Variants in SDR42E2 observed in about 807,000 individuals in gnomAD.
SDR42E2 encodes putative short-chain dehydrogenase/reductase family 42E member 2.
Under a neutral mutation model 10.5 loss-of-function variants are expected in SDR42E2, and 20 were observed. The ratio of observed to expected loss-of-function variants is 1.90; its 90% CI spans 1.34 to 2.77. The LOEUF (loss-of-function observed/expected upper bound fraction) is 2.77, where lower values mean the gene tolerates loss of function less well. Among genes scored for constraint, SDR42E2 ranks in the 30% most tolerant of loss-of-function variants. The probability of loss-of-function intolerance (pLI) is 0.00; values close to 1 mark genes in which losing one functional copy is unlikely to be tolerated. For missense variants in SDR42E2, 162 were observed against 104.2 expected, an observed-to-expected ratio of 1.55 and a Z score of -2.42; for synonymous variants, 72 against 39.2, an observed-to-expected ratio of 1.84 and a Z score of -3.12.
chr16:22,172,440 C>T (rs555807479), intron 7 of SDR42E2, 109 bp downstream of exon 7: 3 of 684,864 alleles, frequency 4.4e-6, no homozygotes, highest in Admixed American at 4.1e-5. Flanking sequence ...ACCTTCCTTC[C>T]AAAGGACGGT....
rs1301926720 is a variant in SDR42E2, at chr16:22,166,974, C to A, written c.311C>A (p.Ser104Tyr). 1 of 702,446 alleles carries A rather than the reference C, an allele frequency of 1.4e-6. No individual in the cohort carries two copies. Among genetic ancestry groups the A allele is most frequent in the Admixed American group, 2.0e-5 (1 of 49,944 alleles). The allele number at this position is 702,446 out of a possible 1,614,324, so 43.5% of individuals were successfully genotyped here. ...GTGGACTGTGTCTTCCACGTGGCTT[C>A]CTATGGAATGTCCGGGGCTGAGAAG... ...EGVDCVFHVA[S>Y]YGMSGAEKLQ... Residue 104 changes from serine (S) to tyrosine (Y), a missense_variant, in exon 4 of 13, where the codon TCC becomes TAC. Physicochemically the swap from Ser to Tyr is moderately radical, Grantham distance 144 (BLOSUM62 -2). Transcript: ENST00000602312.
rs2142086781 is a variant in SDR42E2, at chr16:22,190,780, G to A, written c.*387G>A. On this transcript the variant is annotated 3_prime_UTR_variant, in exon 13 of 13. Transcript: ENST00000602312. ...ACGCCCTTGACCCGCCCTTCAAATT[G>A]GGCACGCCTTCTTCCCCGCTCACTG... The A allele has an allele frequency of 5.2e-6, 1 of 192,802 alleles. No homozygotes were observed. The highest frequency in any genetic ancestry group is 1.3e-4 in the East Asian group (1 of 7,766). 11.9% of individuals were successfully genotyped at this position (192,802 alleles called of 1,614,324 possible).
intron 7 of SDR42E2, among the ~76,000 whole-genome samples, chr16:22,174,217 C>T (rs377508465): frequency 6.6e-6 from 1 of 151,954 alleles, no homozygotes; most frequent in African/African-American, 2.4e-5. Flanking sequence ...CCTGTAATCC[C>T]AGCTACTCAG....
rs1354942833 is a variant in SDR42E2 at position 22,190,141 on chromosome 16, G to T, written c.1017G>T (p.Val339=). Reference sequence around the variant, plus strand: ...GGATGCCCCGCCTGTCCCCGCAGGTGCGCAGCGTGGCCGTGACGCACACCT... The same window carrying T: ...GGATGCCCCGCCTGTCCCCGCAGGTTCGCAGCGTGGCCGTGACGCACACCT... ...SLPPLLTRSE[V]RSVAVTHTFQ... is the part of the protein sequence containing the mutation. The change falls in exon 13 of 13, where the codon GTG becomes GTT. Residue 339 remains valine, a splice_region_variant and synonymous_variant. Transcript: ENST00000602312. The T allele has an allele frequency of 5.0e-6, 2 of 400,938 alleles. No homozygotes were observed. Among genetic ancestry groups the T allele is most frequent in the African/African-American group, 4.1e-5 (2 of 48,688 alleles). 24.8% of individuals were successfully genotyped at this position (400,938 alleles called of 1,614,324 possible).
chr16:22,180,056 A>T (rs1390923839), intron 8 of SDR42E2, among the ~76,000 whole-genome samples: 1 of 152,132 alleles, frequency 6.6e-6, no homozygotes, highest in Middle Eastern at 3.4e-3. Flanking sequence ...GGAAGAGCAA[A>T]GGGGCGGTGC....
rs115890366 is a variant in SDR42E2 at position 22,169,601 on chromosome 16, G to A, written c.394+99G>A. ...CCCAGGGTGTAGGGTCAAAGGGAGG[G>A]CCTGTGGGCAGCGCATCCTTCGTGC... On this transcript the variant is annotated intron_variant, in intron 5 of 12. Coordinates refer to ENST00000602312, the MANE Select transcript of SDR42E2 (RefSeq NM_001394319.2). 808 of 699,376 alleles carry A rather than the reference G, an allele frequency of 1.2e-3. 5 individuals carry two copies. In the African/African-American group the frequency reaches 0.013, roughly 11 times the overall value. The allele number at this position is 699,376 out of a possible 1,614,324, so 43.3% of individuals were successfully genotyped here.
Position 22,166,996 on chromosome 16 carries a change from G to A in SDR42E2, c.333G>A (p.Glu111=). 1.4e-6 allele frequency: 1 copy of A among 702,266 alleles called. No individual in the cohort carries two copies. The highest frequency in any genetic ancestry group is 1.5e-5 in the South Asian group (1 of 67,538). The allele number at this position is 702,266 out of a possible 1,614,324, so 43.5% of individuals were successfully genotyped here. ...CTTCCTATGGAATGTCCGGGGCTGA[G>A]AAGGTGGGCTCCTCACACACAACAC... ...HVASYGMSGA[E]KLQKEQIESI... The change falls in exon 4 of 13, where the codon GAG becomes GAA. Residue 111 remains glutamate (E), a synonymous_variant. Transcript: ENST00000602312.
Position 22,190,738 on chromosome 16 carries a change from C to G in SDR42E2, c.*345C>G. Reference sequence around the variant, plus strand: ...GGCCCAGACGCGTAGCCCCGAGTCTCTTTCCATGTTTTGACCACGCCCTTG... The same window carrying G: ...GGCCCAGACGCGTAGCCCCGAGTCTGTTTCCATGTTTTGACCACGCCCTTG... On this transcript the variant is annotated 3_prime_UTR_variant, in exon 13 of 13. Transcript: ENST00000602312. 3.6e-6 allele frequency: 1 copy of G among 276,438 alleles called. No individual in the cohort carries two copies. The highest frequency in any genetic ancestry group is 6.8e-6 in the Non-Finnish European group (1 of 147,908). The allele number at this position is 276,438 out of a possible 1,614,324, so 17.1% of individuals were successfully genotyped here.
chr16:22,183,868 G>A (rs1210198660), intron 10 of SDR42E2, among the ~76,000 whole-genome samples: 2 of 151,422 alleles, frequency 1.3e-5, no homozygotes, highest in South Asian at 4.1e-4. Flanking sequence ...GCTGAGGCAG[G>A]AGGATCACAT....
intron 8 of SDR42E2, among the ~76,000 whole-genome samples, chr16:22,178,626 C>T (rs1346584707): frequency 6.6e-6 from 1 of 152,156 alleles, no homozygotes; most frequent in Non-Finnish European, 1.5e-5. Context: ...GCCCTGTCCT[C>T]GAATTTCTCA....
intron 7 of SDR42E2, among the ~76,000 whole-genome samples, chr16:22,174,627 T>C (rs1378370974): frequency 6.6e-6 from 1 of 150,854 alleles, no homozygotes; most frequent in Non-Finnish European, 1.5e-5. Flanking sequence ...CCAGCTGTTC[T>C]CCCAGGAGTT....
chr16:22,190,559 C>T lies in SDR42E2; in HGVS notation c.*166C>T. On this transcript the variant is annotated 3_prime_UTR_variant, in exon 13 of 13. Transcript: ENST00000602312. ...CCCGAGCCGCTCTCCAGACCTAGCCCGGACCGCCGACTTCTGGCCACGCCC... is the reference window on the plus strand; with the variant it reads ...CCCGAGCCGCTCTCCAGACCTAGCCTGGACCGCCGACTTCTGGCCACGCCC... 5.0e-6 allele frequency: 2 copies of T among 399,292 alleles called. No homozygotes were observed. The highest frequency in any genetic ancestry group is 4.4e-6 in the Non-Finnish European group (1 of 226,480). The allele number at this position is 399,292 out of a possible 1,614,324, so 24.7% of individuals were successfully genotyped here.
At chr16:22,164,156 C>G (rs145439968) in intron 1 of SDR42E2, among the ~76,000 whole-genome samples, 1 of 152,058 alleles carries the variant, frequency 6.6e-6, no homozygotes, top group Non-Finnish European at 1.5e-5. Flanking sequence ...CAGTGGCTAA[C>G]GCCTGTAATC....
intron 3 of SDR42E2, among the ~76,000 whole-genome samples, 173 bp downstream of exon 3, chr16:22,166,607 G>T (rs992737988): frequency 3.3e-5 from 5 of 152,124 alleles, no homozygotes; most frequent in African/African-American, 7.2e-5. Flanking sequence ...ACAGAAAGGG[G>T]ACAATAGTAA....
intron 12 of SDR42E2, 51 bp downstream of exon 12, chr16:22,186,845 T>TCCTACCTCTCCCCACCCCTCCCTC (rs2046740183): frequency 2.5e-6 from 1 of 399,880 alleles, no homozygotes; most frequent in African/African-American, 2.1e-5. Flanking sequence ...ATCCCTCCCT[T>TCCTACCTCTCCCCACCCCTCCCTC]CCTACCTCTC....
chr16:22,163,699 T>A (rs2046513567), intron 1 of SDR42E2, among the ~76,000 whole-genome samples: 1 of 151,992 alleles, frequency 6.6e-6, no homozygotes, highest in Non-Finnish European at 1.5e-5. Flanking sequence ...AGAGTGAGAC[T>A]CCTTCTCTAA....
intron 10 of SDR42E2, among the ~76,000 whole-genome samples, chr16:22,183,836 G>A (rs2046715733): frequency 6.6e-6 from 1 of 151,786 alleles, no homozygotes; most frequent in South Asian, 2.1e-4. Context: ...GCTTATGCCT[G>A]TAATCCCAGC....
intron 8 of SDR42E2, 93 bp from the exon 9 acceptor site, chr16:22,181,426 C>A (rs1216413570): frequency 2.3e-5 from 16 of 689,990 alleles, no homozygotes; most frequent in Non-Finnish European, 7.9e-6. Flanking sequence ...GGGGCCTGAC[C>A]TGGAGCTAGA....
At chr16:22,184,319 G>A in intron 11 of SDR42E2, 75 bp downstream of exon 11, 1 of 397,818 alleles carries the variant, frequency 2.5e-6, no homozygotes, top group Non-Finnish European at 4.5e-6. Flanking sequence ...TGAAACTCAG[G>A]GGCCAGGCAC....
Sources: allele counts gnomAD v4.1 joint callset (sites outside exome capture counted in the v4.1 genomes callset), GRCh38; gene constraint gnomAD v4.1.1; transcripts MANE v1.5; gene names NCBI Gene and HGNC (gene_info 2026-07-23, HGNC 2026-07-21).